TRPM1: variants seen among roughly 807,000 people sequenced by gnomAD.
The protein encoded by TRPM1 is TRPM1-203 APA Isoform, Intron 10.
Under a neutral mutation model 149.4 loss-of-function variants are expected in TRPM1, and 113 were observed. The ratio of observed to expected loss-of-function variants is 0.76; its 90% CI spans 0.65 to 0.88. TRPM1 has a LOEUF of 0.88. TRPM1 is among the 40% of genes least tolerant of loss of function. The pLI is 0.00. For synonymous variants in TRPM1, 741 were observed against 759.5 expected (o/e 0.98, Z 0.40); for missense variants, 1,976 against 2,038.7 (o/e 0.97, Z 0.59).
chr15:31,079,353 A>G (rs1159393204), intron 2 of TRPM1, among the ~76,000 whole-genome samples: 1 of 152,154 alleles, frequency 6.6e-6, no homozygotes, highest in Admixed American at 6.5e-5. Flanking sequence ...TGACTGAGCT[A>G]TGGGTGGGGG....
At chr15:31,113,531 T>A (rs1428044940) in intron 1 of TRPM1, among the ~76,000 whole-genome samples, 1 of 151,640 alleles carries the variant, frequency 6.6e-6, no homozygotes, top group Non-Finnish European at 1.5e-5. Flanking sequence ...TCAAAAAACA[T>A]TTTTCTTTGT....
chr15:31,047,033 G>A, intron 15 of TRPM1, 78 bp downstream of exon 15: 2 of 1,597,136 alleles, frequency 1.3e-6, no homozygotes, highest in Middle Eastern at 1.7e-4. Context: ...CTCTGAACCG[G>A]CCAAGTTGTT....
intron 1 of TRPM1, among the ~76,000 whole-genome samples, chr15:31,107,596 G>T (rs2035626172): frequency 6.6e-6 from 1 of 151,692 alleles, no homozygotes; most frequent in South Asian, 2.1e-4. Context: ...CCTTCTGCTT[G>T]ATTTGGATTT....
At chr15:31,087,743 G>C (rs189878582) in intron 1 of TRPM1, among the ~76,000 whole-genome samples, 5 of 152,176 alleles carry the variant, frequency 3.3e-5, no homozygotes, top group Admixed American at 6.5e-5. Flanking sequence ...AGGACATGGC[G>C]ATAAGTGAAA....
intron 20 of TRPM1, 85 bp from the exon 21 acceptor site, chr15:31,035,759 A>G: frequency 6.3e-7 from 1 of 1,585,680 alleles, no homozygotes; most frequent in South Asian, 1.1e-5. Context: ...TCAGGTTGAC[A>G]CATCTAAAAG....
intron 3 of TRPM1, among the ~76,000 whole-genome samples, chr15:31,075,349 C>T (rs978229292): frequency 6.6e-6 from 1 of 152,118 alleles, no homozygotes; most frequent in African/African-American, 2.4e-5. Flanking sequence ...CATTTTGGTG[C>T]TGTTTTAGGT....
In TRPM1 at chr15:31,040,306, A is replaced by G. The variant is rs1192686292; in HGVS notation, c.2128T>C (p.Tyr710His). The part of the protein sequence containing the change: ...QLALELLDQS[Y>H]KHDEQIAMKL... ...ATAGCGATCTGCTCGTCATGCTTAT[A>G]GGACTGGTCTAATAACTCCAAAGCA... is the stretch of plus-strand genomic sequence containing the variant. The change falls in exon 18 of 28, where the codon TAT becomes CAT. Residue 710 changes from tyrosine (Y) to histidine (H), a missense_variant. By Grantham distance (83) the Tyr-to-His change is moderately conservative (BLOSUM62 2). This residue lies in a region of TRPM1 where 1,332 missense variants were observed against 1,347.1 expected (regional missense o/e 0.99). Coordinates refer to ENST00000256552, the MANE Select transcript of TRPM1 (RefSeq NM_001252024.2). This position sits in a 1 kb window ranked among gnomAD's most constrained non-coding sequence, Gnocchi z 4.2. The G allele has an allele frequency of 6.2e-7, 1 of 1,614,090 alleles. No individual in the cohort carries two copies. Among genetic ancestry groups the G allele is most frequent in the Non-Finnish European group, 8.5e-7 (1 of 1,180,056 alleles).
At chr15:31,145,425 G>A (rs973953404) in intron 1 of TRPM1, among the ~76,000 whole-genome samples, 4 of 152,056 alleles carry the variant, frequency 2.6e-5, no homozygotes, top group African/African-American at 7.3e-5. Flanking sequence ...TTCACAATCC[G>A]TATCTTCTGT....
intron 16 of TRPM1, among the ~76,000 whole-genome samples, chr15:31,044,360 A>C (rs1456912067): frequency 6.6e-6 from 1 of 152,256 alleles, no homozygotes; most frequent in Non-Finnish European, 1.5e-5. Context: ...AAATACAAAT[A>C]AAAGCAGACA....
At chr15:31,109,333 C>CAAAAAAAAAAAAAAAAAAAAAAA (rs36072024) in intron 1 of TRPM1, among the ~76,000 whole-genome samples, 8 of 32,298 alleles carry the variant, frequency 2.5e-4, no homozygotes, top group South Asian at 2.3e-3. Flanking sequence ...GACTCTGCCT[C>CAAAAAAAAAAAAAAAAAAAAAAA]AAAAAAAAAA....
At chr15:31,111,767 GA>G (rs2035692588) in intron 1 of TRPM1, among the ~76,000 whole-genome samples, 1 of 152,124 alleles carries the variant, frequency 6.6e-6, no homozygotes, top group Non-Finnish European at 1.5e-5. Context: ...CTTAGAACGG[GA>G]GAGCTCGTAA....
intron 27 of TRPM1, among the ~76,000 whole-genome samples, chr15:31,017,272 G>A (rs1045892939): frequency 3.3e-5 from 5 of 152,156 alleles, no homozygotes; most frequent in African/African-American, 4.8e-5. Flanking sequence ...TCACGCCACT[G>A]CACTCCAGCC....
At position 31,035,463 on chromosome 15, in the gene TRPM1, A is replaced by G. The variant is rs2033315564; in HGVS notation, c.2700+83T>C. On this transcript the variant is annotated intron_variant, in intron 21 of 27. Transcript: ENST00000256552. ...GCCTGGCCCAACATGCATAATTTGC[A>G]TGAAACGTTTTTTCAGTAAGGAGCC... The G allele has an allele frequency of 1.9e-6, 3 of 1,597,450 alleles. No homozygotes were observed. The East Asian group carries it at 6.7e-5, about 36-fold the overall frequency.
In TRPM1 at chr15:31,087,131, G is replaced by A. The variant is rs184119342; in HGVS notation, c.-83-5693C>T. 5.4e-3 allele frequency among the ~76,000 whole-genome samples: 803 copies of A among 148,408 alleles called. 11 individuals carry two copies. Among genetic ancestry groups the A allele is most frequent in the African/African-American group, 0.019 (776 of 40,478 alleles). The stretch of plus-strand genomic sequence containing the variant: ...AAACTTGTTCATTGCTGGCAGGAAT[G>A]TAAAAGAGTACAGCCACTGTGGAAA... On this transcript the variant is annotated intron_variant, in intron 1 of 27. Coordinates refer to ENST00000256552, the MANE Select transcript of TRPM1 (RefSeq NM_001252024.2).
chr15:31,042,751 T>C (rs1480652136), intron 16 of TRPM1, among the ~76,000 whole-genome samples: 1 of 152,222 alleles, frequency 6.6e-6, no homozygotes. Flanking sequence ...AAGCAAACAT[T>C]CCTCTTTTAG....
At chr15:31,037,596 T>C in intron 20 of TRPM1, 115 bp downstream of exon 20, 1 of 1,428,688 alleles carries the variant, frequency 7.0e-7, no homozygotes, top group Non-Finnish European at 9.8e-7. Flanking sequence ...TCATAATTCA[T>C]TTTAATTCAG....
intron 1 of TRPM1, among the ~76,000 whole-genome samples, chr15:31,089,485 A>G (rs1053201996): frequency 6.6e-6 from 1 of 152,144 alleles, no homozygotes; most frequent in African/African-American, 2.4e-5. Context: ...GGCCCACAAC[A>G]CTGCTGGAGA....
rs1398409870 is a variant in TRPM1 at position 31,001,950 on chromosome 15, A to T, written c.4750T>A (p.Ser1584Thr). 1 of 1,614,126 alleles carries T rather than the reference A, an allele frequency of 6.2e-7. No homozygotes were observed. The highest frequency in any genetic ancestry group is 1.3e-5 in the African/African-American group (1 of 75,028). ...SLHGHPRNVK[S>T]IQGKLDRSGH... ...GATCTGTCTAACTTTCCCTGAATGG[A>T]TTTCACATTCCTAGGATGTCCATGT... Residue 1584 changes from serine to threonine, a missense_variant, in exon 28 of 28, where the codon TCC becomes ACC. By Grantham distance (58) the Ser-to-Thr change is moderately conservative. Coordinates refer to ENST00000256552, the MANE Select transcript of TRPM1 (RefSeq NM_001252024.2).
chr15:31,133,310 G>A (rs1052488678), intron 1 of TRPM1, among the ~76,000 whole-genome samples: 2 of 151,930 alleles, frequency 1.3e-5, no homozygotes, highest in African/African-American at 4.9e-5. Context: ...GTGTGTTCCT[G>A]TAGTCCCAGT....
Sources: allele counts gnomAD v4.1 joint callset (sites outside exome capture counted in the v4.1 genomes callset), GRCh38; gene constraint gnomAD v4.1.1; regional missense constraint gnomAD v4.1.1; non-coding constraint Gnocchi (gnomAD v3.1); transcripts MANE v1.5; gene names NCBI Gene and HGNC (gene_info 2026-07-23, HGNC 2026-07-21).